The following TMEM132C variants were observed in gnomAD, a reference collection of about 807,000 sequenced individuals.
TMEM132C encodes the protein protein phosphatase 1, regulatory subunit 152.
TMEM132C carries 29 observed loss-of-function variants against 61.4 expected under a neutral mutation model. That is an observed-to-expected ratio of 0.47 (90% CI 0.35 to 0.64). The LOEUF (loss-of-function observed/expected upper bound fraction) is 0.64. TMEM132C is among the 30% of genes least tolerant of loss of function. The probability of loss-of-function intolerance (pLI) is 0.00; values close to 1 mark genes in which losing one functional copy is unlikely to be tolerated. For missense variants in TMEM132C, 1,408 were observed against 1,476.9 expected (o/e 0.95, Z 0.76); for synonymous variants, 656 against 633.1 (o/e 1.04, Z -0.54).
At chr12:128,550,849 C>G (rs544287391) in intron 3 of TMEM132C, among the ~76,000 whole-genome samples, 2 of 152,112 alleles carry the variant, frequency 1.3e-5, no homozygotes, top group Admixed American at 1.3e-4. Context: ...TGCACTTGTG[C>G]GGATTCTTAG....
rs778253530 is a variant in TMEM132C, at chr12:128,669,468, C to T, written c.1357C>T (p.Pro453Ser). The T allele has an allele frequency of 1.3e-6, 2 of 1,551,656 alleles. No homozygotes were observed. Among genetic ancestry groups the T allele is most frequent in the South Asian group, 2.4e-5 (2 of 84,046 alleles). ...ACTCACAGGAAAGACAGTTGCCATG[C>T]CTATCAAGGTGGTCTCTGTGGAGGA... is the stretch of plus-strand genomic sequence containing the variant. ...AVLTGKTVAM[P>S]IKVVSVEENS... Residue 453 changes from proline (P) to serine (S), a missense_variant, in exon 5 of 9, where the codon CCT becomes TCT. Pro to Ser is a moderately conservative substitution (Grantham distance 74). Transcript: ENST00000435159.
intron 2 of TMEM132C, among the ~76,000 whole-genome samples, chr12:128,472,596 T>C (rs79674336): frequency 0.018 from 2,805 of 152,312 alleles, 92 homozygotes; most frequent in African/African-American, 0.064. Context: ...CAGACCTTTC[T>C]ATATCATGTT....
At chr12:128,614,982 C>A (rs893381736) in intron 3 of TMEM132C, among the ~76,000 whole-genome samples, 1 of 152,186 alleles carries the variant, frequency 6.6e-6, no homozygotes, top group African/African-American at 2.4e-5. Context: ...CACCCCACAG[C>A]TGCCCCAGGA....
chr12:128,687,433 A>G (rs1365469005), intron 5 of TMEM132C, among the ~76,000 whole-genome samples: 1 of 152,206 alleles, frequency 6.6e-6, no homozygotes, highest in Non-Finnish European at 1.5e-5. Context: ...CAAGATGCCC[A>G]GAGATGCTCA....
chr12:128,456,151 C>T (rs1263897847), intron 2 of TMEM132C, among the ~76,000 whole-genome samples: 1 of 152,008 alleles, frequency 6.6e-6, no homozygotes, highest in African/African-American at 2.4e-5. Context: ...GCAGCCTACA[C>T]ACCACGTGGG....
chr12:128,637,145 A>G (rs1358356879), intron 4 of TMEM132C, among the ~76,000 whole-genome samples: 1 of 152,148 alleles, frequency 6.6e-6, no homozygotes, highest in Non-Finnish European at 1.5e-5. Context: ...GCTGGATCAC[A>G]TGGTAGTTTT....
At chr12:128,451,852 A>G (rs1312911936) in intron 2 of TMEM132C, among the ~76,000 whole-genome samples, 2 of 152,166 alleles carry the variant, frequency 1.3e-5, no homozygotes, top group Non-Finnish European at 2.9e-5. Context: ...GTCAAGAGTG[A>G]GCAGAACAGA....
intron 3 of TMEM132C, among the ~76,000 whole-genome samples, chr12:128,574,724 A>G (rs914702349): frequency 6.6e-6 from 1 of 152,212 alleles, no homozygotes; most frequent in African/African-American, 2.4e-5. Context: ...TGGAAAAACC[A>G]TGCTACCTTG....
At chr12:128,525,186 A>G (rs936122412) in intron 2 of TMEM132C, among the ~76,000 whole-genome samples, 2 of 152,072 alleles carry the variant, frequency 1.3e-5, no homozygotes, top group African/African-American at 4.8e-5. Context: ...TCTAATTCCA[A>G]TCTGTTGTGA....
intron 2 of TMEM132C, among the ~76,000 whole-genome samples, chr12:128,516,691 C>T (rs957418022): frequency 5.9e-5 from 9 of 152,178 alleles, no homozygotes; most frequent in African/African-American, 1.4e-4. Flanking sequence ...GTGGGAGGAT[C>T]GCTTGAGGCC....
intron 3 of TMEM132C, among the ~76,000 whole-genome samples, chr12:128,587,220 G>T (rs1004332856): frequency 2.0e-5 from 3 of 152,224 alleles, no homozygotes; most frequent in African/African-American, 7.2e-5. Context: ...ATAATGAAGT[G>T]CCATGGCCTG....
chr12:128,410,517 C>T (rs546668598), intron 1 of TMEM132C, among the ~76,000 whole-genome samples: 15 of 152,252 alleles, frequency 9.9e-5, no homozygotes, highest in African/African-American at 3.1e-4. Flanking sequence ...ATTCTCCTGC[C>T]TCAGCCTCCC....
chr12:128,443,381 A>G (rs1869864590), intron 2 of TMEM132C, among the ~76,000 whole-genome samples: 1 of 152,204 alleles, frequency 6.6e-6, no homozygotes, highest in Non-Finnish European at 1.5e-5. Context: ...GAACTTAACC[A>G]TGAAACCAAA....
At chr12:128,691,824 A>G (rs949142037) in intron 5 of TMEM132C, among the ~76,000 whole-genome samples, 10 of 149,698 alleles carry the variant, frequency 6.7e-5, no homozygotes, top group South Asian at 2.1e-4. Flanking sequence ...CAGTTCTTCT[A>G]TCTATCCAGC....
chr12:128,539,915 T>G (rs1042922910), intron 2 of TMEM132C, among the ~76,000 whole-genome samples: 1 of 152,196 alleles, frequency 6.6e-6, no homozygotes, highest in Non-Finnish European at 1.5e-5. Flanking sequence ...TGAAAACACA[T>G]CCTTTCATTT....
intron 4 of TMEM132C, among the ~76,000 whole-genome samples, chr12:128,625,050 C>A (rs989701795): frequency 7.2e-5 from 11 of 152,204 alleles, no homozygotes; most frequent in African/African-American, 2.7e-4. Flanking sequence ...CCTAAAGCTG[C>A]AGCAGCATTG....
intron 4 of TMEM132C, among the ~76,000 whole-genome samples, chr12:128,637,283 C>T (rs1223588961): frequency 6.6e-6 from 1 of 152,212 alleles, no homozygotes; most frequent in Non-Finnish European, 1.5e-5. Context: ...TCACCATGTG[C>T]TCAGGAGCTC....
chr12:128,339,648 A>G (rs987711123), intron 1 of TMEM132C, among the ~76,000 whole-genome samples: 1 of 149,572 alleles, frequency 6.7e-6, no homozygotes, highest in Non-Finnish European at 1.5e-5. Flanking sequence ...GAAGGTCCCC[A>G]TCACTCCCCA....
chr12:128,494,274 G>C (rs1871859405), intron 2 of TMEM132C, among the ~76,000 whole-genome samples: 1 of 152,084 alleles, frequency 6.6e-6, no homozygotes, highest in Non-Finnish European at 1.5e-5. Context: ...GAGAATTTTT[G>C]CATCAATGTT....
Sources: allele counts gnomAD v4.1 joint callset (sites outside exome capture counted in the v4.1 genomes callset), GRCh38; gene constraint gnomAD v4.1.1; transcripts MANE v1.5; gene names NCBI Gene and HGNC (gene_info 2026-07-23, HGNC 2026-07-21).